The following SPATA21 variants were observed in gnomAD, a reference collection of about 807,000 sequenced individuals.
SPATA21 encodes spermatogenesis-associated protein 21.
Under a neutral mutation model 54.8 loss-of-function variants are expected in SPATA21, and 47 were observed. The ratio of observed to expected loss-of-function variants is 0.86; its 90% CI spans 0.68 to 1.09. The LOEUF (loss-of-function observed/expected upper bound fraction) is 1.09, where lower values mean the gene tolerates loss of function less well. Among genes scored for constraint, SPATA21 ranks in the 50% least tolerant of loss-of-function variants. The pLI, the probability that SPATA21 is intolerant of heterozygous loss-of-function variation, is 0.00. For missense variants in SPATA21, 599 were observed against 596.4 expected (o/e 1.00, Z -0.05); for synonymous variants, 245 against 235.3 (o/e 1.04, Z -0.38).
chr1:16,404,135 T>A, intron 8 of SPATA21, 96 bp from the exon 9 acceptor site: 1 of 1,054,372 alleles, frequency 9.5e-7, no homozygotes. Flanking sequence ...TGTCTGGGTC[T>A]GATTATCAAG....
Position 16,409,524 on chromosome 1 carries a change from C to T in SPATA21, c.587+77G>A. 1 of 1,467,022 alleles carries T rather than the reference C, an allele frequency of 6.8e-7. No individual in the cohort carries two copies. The highest frequency in any genetic ancestry group is 1.3e-5 in the South Asian group (1 of 77,908). The allele number at this position is 1,467,022 out of a possible 1,614,324, so 90.9% of individuals were successfully genotyped here. A position where few individuals can be genotyped will look rare whatever the true frequency, so the allele number is the denominator to read the frequency against. On this transcript the variant is annotated intron_variant, in intron 6 of 12. Coordinates refer to ENST00000335496, the MANE Select transcript of SPATA21 (RefSeq NM_198546.1). The surrounding 1 kb of genome is among the most constrained non-coding windows in gnomAD (Gnocchi z 4.1). Reference sequence around the variant, plus strand: ...ACGAGGGAACAGGCAGGTGCAGGGACAGGGACCTGCATCCGGGACAAGGCT... The same window carrying T: ...ACGAGGGAACAGGCAGGTGCAGGGATAGGGACCTGCATCCGGGACAAGGCT...
intron 9 of SPATA21, 42 bp from the exon 10 acceptor site, chr1:16,403,886 C>T: frequency 6.2e-7 from 1 of 1,611,854 alleles, no homozygotes; most frequent in South Asian, 1.1e-5. Flanking sequence ...ACTGGGCAGT[C>T]CTGAATGCCC....
chr1:16,422,536 C>T (rs1333623701), intron 3 of SPATA21, among the ~76,000 whole-genome samples: 1 of 149,002 alleles, frequency 6.7e-6, no homozygotes, highest in Admixed American at 6.7e-5. Context: ...AGACAAGTCT[C>T]ACTCTGTCAC....
intron 3 of SPATA21, among the ~76,000 whole-genome samples, chr1:16,423,875 C>G (rs543559991): frequency 1.3e-5 from 2 of 151,836 alleles, no homozygotes; most frequent in African/African-American, 4.8e-5. Flanking sequence ...GTGGAGTGAA[C>G]GAAGCCAGAC....
Position 16,410,364 on chromosome 1 carries a change from GC to G in SPATA21, c.145-322del, listed in dbSNP as rs2085804445. On this transcript the variant is annotated intron_variant, in intron 5 of 12. Transcript: ENST00000335496. Reference sequence around the variant, plus strand: ...AGGCTCGAGTGATCCTCCCACCTCAGCCTCCAGAGAAGCTGGGACTACAGCC... The same window carrying G: ...AGGCTCGAGTGATCCTCCCACCTCAGCTCCAGAGAAGCTGGGACTACAGCC... 2.0e-5 allele frequency among the ~76,000 whole-genome samples: 3 copies of G among 151,726 alleles called. No homozygotes were observed. The South Asian group carries it at 6.3e-4, about 32-fold the overall frequency.
At chr1:16,399,029 G>A (rs1041344249) in intron 12 of SPATA21, among the ~76,000 whole-genome samples, 17 of 152,124 alleles carry the variant, frequency 1.1e-4, no homozygotes, top group Admixed American at 6.5e-5. Context: ...TGCAGGAGAC[G>A]TTCCCCTCTG....
chr1:16,416,495 T>C (rs959377495), intron 5 of SPATA21, among the ~76,000 whole-genome samples: 2 of 152,046 alleles, frequency 1.3e-5, no homozygotes, highest in African/African-American at 4.8e-5. Context: ...CTGGCCAACA[T>C]GGCGAAACTC....
At chr1:16,413,194 C>T (rs1202798876) in intron 5 of SPATA21, among the ~76,000 whole-genome samples, 2 of 152,198 alleles carry the variant, frequency 1.3e-5, no homozygotes, top group African/African-American at 4.8e-5. Flanking sequence ...CACCACTCCC[C>T]CGGGCCCTGG....
rs750006313 is a variant in SPATA21 at position 16,398,809 on chromosome 1, C to CA, written c.1365dup (p.Asp456Ter). On this transcript the variant is annotated frameshift_variant, in exon 13 of 13. Coordinates refer to ENST00000335496, the MANE Select transcript of SPATA21 (RefSeq NM_198546.1). LOFTEE classifies it high-confidence loss of function. ...ACAGAGCTGAGCCACTTTCTGCTGT[C>CA]AGAGTTGTGTTCCCTGGGGAGAGGA... 2.5e-6 allele frequency: 4 copies of CA among 1,613,140 alleles called. No homozygotes were observed. The highest frequency in any genetic ancestry group is 2.2e-5 in the East Asian group (1 of 44,884).
chr1:16,435,678 T>C (rs370616273), intron 1 of SPATA21, among the ~76,000 whole-genome samples: 27 of 151,284 alleles, frequency 1.8e-4, no homozygotes, highest in Non-Finnish European at 3.5e-4. Flanking sequence ...TGCAGTGGCA[T>C]GAACGTGGCT....
At chr1:16,426,573 ATATATATT>A (rs1414360980) in intron 3 of SPATA21, among the ~76,000 whole-genome samples, 80 of 115,526 alleles carry the variant, frequency 6.9e-4, no homozygotes, top group Non-Finnish European at 8.4e-4. Flanking sequence ...ATATATATAT[ATATATATT>A]TTTTTTTTTT....
rs183045988 is a variant in SPATA21 at position 16,405,184 on chromosome 1, G to C, written c.674-80C>G. 5.5e-4 allele frequency: 848 copies of C among 1,528,328 alleles called. 4 individuals carry two copies. The highest frequency in any genetic ancestry group is 3.8e-3 in the South Asian group (293 of 78,034). 94.7% of individuals were successfully genotyped at this position (1,528,328 alleles called of 1,614,324 possible). A position where few individuals can be genotyped will look rare whatever the true frequency, so the allele number is the denominator to read the frequency against. On this transcript the variant is annotated intron_variant, in intron 7 of 12. Coordinates refer to ENST00000335496, the MANE Select transcript of SPATA21 (RefSeq NM_198546.1). ...ATCCCATTACCCCAACCACCCTCCT[G>C]CCAGCCTCCTCCACCATCAAAAGTG... is the stretch of plus-strand genomic sequence containing the variant.
chr1:16,398,931 C>A, intron 12 of SPATA21, 109 bp from the exon 13 acceptor site: 1 of 1,167,634 alleles, frequency 8.6e-7, no homozygotes, highest in Non-Finnish European at 1.2e-6. Flanking sequence ...GGAGGCCTCC[C>A]CTCAGAAATG....
At chr1:16,425,384 G>T in intron 3 of SPATA21, 1 of 917,742 alleles carries the variant, frequency 1.1e-6, no homozygotes, top group Non-Finnish European at 1.7e-6. Flanking sequence ...GGGCTCAAGG[G>T]ATCACCCCTG....
chr1:16,415,361 C>A (rs1477975500), intron 5 of SPATA21, among the ~76,000 whole-genome samples: 2 of 152,038 alleles, frequency 1.3e-5, no homozygotes, highest in East Asian at 3.9e-4. Context: ...TTCTGGGGCT[C>A]CTGCTCCATT....
chr1:16,404,817 A>G lies in SPATA21; in HGVS notation c.811+150T>C, dbSNP rs2085576080. 8.7e-6 allele frequency: 8 copies of G among 922,904 alleles called. No homozygotes were observed. In the South Asian group the frequency reaches 1.2e-4, roughly 14 times the overall value. The allele number at this position is 922,904 out of a possible 1,614,324, so 57.2% of individuals were successfully genotyped here. A position where few individuals can be genotyped will look rare whatever the true frequency, so the allele number is the denominator to read the frequency against. On this transcript the variant is annotated intron_variant, in intron 8 of 12. Coordinates refer to ENST00000335496, the MANE Select transcript of SPATA21 (RefSeq NM_198546.1). Reference sequence around the variant, plus strand: ...GAACCAGACCTCGTCTCAAACAACAAGAACAACAAAGGCATTTCTAGACTG... The same window carrying G: ...GAACCAGACCTCGTCTCAAACAACAGGAACAACAAAGGCATTTCTAGACTG...
At chr1:16,420,455 T>C (rs2086138645) in intron 5 of SPATA21, among the ~76,000 whole-genome samples, 1 of 151,682 alleles carries the variant, frequency 6.6e-6, no homozygotes, top group Non-Finnish European at 1.5e-5. Flanking sequence ...AGGTGGAGGT[T>C]GCAGTGAGCC....
chr1:16,418,496 T>C (rs2100849903), intron 5 of SPATA21, among the ~76,000 whole-genome samples: 1 of 151,742 alleles, frequency 6.6e-6, no homozygotes, highest in East Asian at 1.9e-4. Context: ...ATGGTCTCGA[T>C]CTCCTGACCT....
At chr1:16,424,260 C>A (rs1181792268) in intron 3 of SPATA21, among the ~76,000 whole-genome samples, 1 of 18,256 alleles carries the variant, frequency 5.5e-5, no homozygotes, top group Non-Finnish European at 1.1e-4. Flanking sequence ...TTGCAGTGAG[C>A]CGAGATTGCG....
Sources: gnomAD v4.1 joint callset for allele counts (sites outside exome capture counted in the v4.1 genomes callset) on GRCh38, gnomAD v4.1.1 for gene constraint, Gnocchi (gnomAD v3.1) non-coding constraint, MANE v1.5 for transcripts, NCBI Gene and HGNC (gene_info 2026-07-23, HGNC 2026-07-21) for gene names.